The following RANBP17 variants were observed in gnomAD, a reference collection of about 807,000 sequenced individuals.
The protein encoded by RANBP17 is ran-binding protein 17.
A neutral mutation model predicts 141.2 loss-of-function variants in RANBP17; 158 were observed. The observed-to-expected ratio is 1.12, with a 90% confidence interval of 0.98 to 1.28. The LOEUF (loss-of-function observed/expected upper bound fraction) is 1.28, where lower values mean the gene tolerates loss of function less well. RANBP17 is among the 50% of genes most tolerant of loss of function. RANBP17 has a pLI of 0.00. For synonymous variants in RANBP17, 430 were observed against 450.0 expected, an observed-to-expected ratio of 0.96 and a Z score of 0.56; for missense variants, 1,438 against 1,290.7, an observed-to-expected ratio of 1.11 and a Z score of -1.75.
intron 14 of RANBP17, among the ~76,000 whole-genome samples, chr5:171,148,198 CG>C (rs1451952572): frequency 6.6e-6 from 1 of 152,032 alleles, no homozygotes; most frequent in Admixed American, 6.6e-5. Context: ...GCAGCATGCT[CG>C]TTAAGAGTCA....
At position 170,976,241 on chromosome 5, in the gene RANBP17, A is replaced by G. The variant is rs566315606; in HGVS notation, c.1710+7864A>G. On this transcript the variant is annotated intron_variant, in intron 14 of 27. Coordinates refer to ENST00000523189, the MANE Select transcript of RANBP17 (RefSeq NM_022897.5). Reference sequence around the variant, plus strand: ...AACAAAAGGAACAAAACATTCCATTATAATAGAATCAGAAAGAATTAAATA... The same window carrying G: ...AACAAAAGGAACAAAACATTCCATTGTAATAGAATCAGAAAGAATTAAATA... Among the ~76,000 whole-genome samples the G allele has an allele frequency of 4.6e-5, 7 of 152,322 alleles. No homozygotes were observed. In the East Asian group the frequency reaches 9.6e-4, roughly 21 times the overall value.
chr5:170,945,940 C>T (rs150804792), intron 12 of RANBP17, among the ~76,000 whole-genome samples: 24 of 152,180 alleles, frequency 1.6e-4, no homozygotes, highest in African/African-American at 4.8e-4. Context: ...ATGTGTTAAA[C>T]GCTTAAGAGA....
At chr5:170,961,271 C>T (rs747092661) in intron 13 of RANBP17, among the ~76,000 whole-genome samples, 7 of 152,062 alleles carry the variant, frequency 4.6e-5, no homozygotes, top group Admixed American at 6.5e-5. Context: ...ACATATCTGA[C>T]GTATAGTGGG....
At chr5:171,043,281 C>G (rs900036434) in intron 14 of RANBP17, among the ~76,000 whole-genome samples, 1 of 152,094 alleles carries the variant, frequency 6.6e-6, no homozygotes, top group Non-Finnish European at 1.5e-5. Flanking sequence ...TGGTTTCAAA[C>G]TGGTTTACAA....
intron 12 of RANBP17, among the ~76,000 whole-genome samples, chr5:170,927,572 CT>C (rs1009318577): frequency 2.0e-5 from 3 of 151,762 alleles, no homozygotes; most frequent in Non-Finnish European, 4.4e-5. Context: ...GTTGTTGGTC[CT>C]TTTTTTCTCC....
chr5:171,292,683 A>G (rs756184620), intron 25 of RANBP17, among the ~76,000 whole-genome samples: 5 of 152,196 alleles, frequency 3.3e-5, no homozygotes, highest in African/African-American at 7.2e-5. Context: ...GGTAGGAGGT[A>G]AAGAGTCCAA....
chr5:171,083,658 G>A (rs1429044282), intron 14 of RANBP17, among the ~76,000 whole-genome samples: 2 of 152,136 alleles, frequency 1.3e-5, no homozygotes. Flanking sequence ...AGCTGATATG[G>A]TGTGGCTGTG....
At chr5:171,171,401 A>G (rs1760090196) in intron 16 of RANBP17, 115 bp downstream of exon 16, 2 of 559,152 alleles carry the variant, frequency 3.6e-6, no homozygotes, top group Non-Finnish European at 6.3e-6. Flanking sequence ...AAATAAAAAG[A>G]CCTTTCATTT....
intron 14 of RANBP17, among the ~76,000 whole-genome samples, chr5:171,086,705 T>A (rs1219408145): frequency 6.6e-6 from 1 of 150,438 alleles, no homozygotes; most frequent in African/African-American, 2.5e-5. Flanking sequence ...AGTGTATGTG[T>A]CGAGGAATTT....
chr5:170,866,036 T>C (rs1307816722), intron 1 of RANBP17, among the ~76,000 whole-genome samples: 1 of 152,126 alleles, frequency 6.6e-6, no homozygotes, highest in Non-Finnish European at 1.5e-5. Context: ...GCTTCAGTTC[T>C]TAGGTATGAT....
At chr5:170,961,578 G>C (rs1385959364) in intron 13 of RANBP17, among the ~76,000 whole-genome samples, 1 of 152,098 alleles carries the variant, frequency 6.6e-6, no homozygotes, top group Non-Finnish European at 1.5e-5. Context: ...GCATCAACAT[G>C]AATCTCAAAG....
intron 14 of RANBP17, among the ~76,000 whole-genome samples, chr5:170,973,485 G>GT (rs1777135145): frequency 6.6e-6 from 1 of 151,974 alleles, no homozygotes; most frequent in South Asian, 2.1e-4. Flanking sequence ...CTGTGAATCA[G>GT]AAAACACAAT....
rs1768991368 is a variant in RANBP17 at position 171,298,944 on chromosome 5, C to G, written c.*86C>G. On this transcript the variant is annotated 3_prime_UTR_variant, in exon 28 of 28. Coordinates refer to ENST00000523189, the MANE Select transcript of RANBP17 (RefSeq NM_022897.5). ...CTCAGGACAGTGATGTTGGCTAGCC[C>G]AGGGGAATGTATTTTTCAAAACATA... 1 of 965,514 alleles carries G rather than the reference C, an allele frequency of 1.0e-6. No individual in the cohort carries two copies. Among genetic ancestry groups the G allele is most frequent in the Non-Finnish European group, 1.6e-6 (1 of 619,160 alleles). The allele number at this position is 965,514 out of a possible 1,614,324, so 59.8% of individuals were successfully genotyped here.
At chr5:171,066,703 A>T (rs1157019747) in intron 14 of RANBP17, among the ~76,000 whole-genome samples, 1 of 152,170 alleles carries the variant, frequency 6.6e-6, no homozygotes, top group Non-Finnish European at 1.5e-5. Flanking sequence ...AAATTGCTTG[A>T]TCATATGGTA....
intron 20 of RANBP17, chr5:171,207,532 A>G (rs781068755): frequency 3.3e-5 from 5 of 152,210 alleles, no homozygotes; most frequent in African/African-American, 4.8e-5. Context: ...TTTCTTGTGA[A>G]CTAGAAACCT....
chr5:170,881,931 C>T (rs752499501), intron 3 of RANBP17, 35 bp downstream of exon 3: 1 of 1,351,042 alleles, frequency 7.4e-7, no homozygotes, highest in South Asian at 1.3e-5. Flanking sequence ...ACCAACTGCG[C>T]TTTAAAAATC....
In RANBP17 at chr5:171,064,127, T is replaced by C. The variant is rs866330104; in HGVS notation, c.1710+95750T>C. ...CCCTTGCACTTCTGGAGTGAGGCAA[T>C]GCCTCGCCCTGCTTCGGCTCACACA... On this transcript the variant is annotated intron_variant, in intron 14 of 27. Coordinates refer to ENST00000523189, the MANE Select transcript of RANBP17 (RefSeq NM_022897.5). 2.6e-5 allele frequency among the ~76,000 whole-genome samples: 4 copies of C among 152,236 alleles called. No individual in the cohort carries two copies. In the South Asian group the frequency reaches 6.2e-4, roughly 24 times the overall value.
chr5:171,246,675 A>C (rs1765233660), intron 24 of RANBP17, among the ~76,000 whole-genome samples: 1 of 152,224 alleles, frequency 6.6e-6, no homozygotes, highest in South Asian at 2.1e-4. Context: ...TGTTATTTTC[A>C]ACATGTGATC....
In RANBP17 at chr5:171,258,118, T is replaced by C. The variant is rs199581871; in HGVS notation, c.2777-7563T>C. Among the ~76,000 whole-genome samples the C allele has an allele frequency of 4.9e-4, 63 of 128,280 alleles. No homozygotes were observed. The South Asian group carries it at 5.8e-3, about 12-fold the overall frequency. 84.2% of individuals were successfully genotyped at this position (128,280 alleles called of 152,430 possible). A position where few individuals can be genotyped will look rare whatever the true frequency, so the allele number is the denominator to read the frequency against. On this transcript the variant is annotated intron_variant, in intron 24 of 27. Coordinates refer to ENST00000523189, the MANE Select transcript of RANBP17 (RefSeq NM_022897.5). ...CAAAACTCCATCTAAAAAAAAAAAA[T>C]ACACACACACACACACACACACACA...
Sources: gnomAD v4.1 joint callset for allele counts (sites outside exome capture counted in the v4.1 genomes callset) on GRCh38, gnomAD v4.1.1 for gene constraint, MANE v1.5 for transcripts, NCBI Gene and HGNC (gene_info 2026-07-23, HGNC 2026-07-21) for gene names.